The following RIT2 variants were observed in gnomAD, a reference collection of about 807,000 sequenced individuals.
RIT2 encodes the protein Ras like without CAAX 2.
Under a neutral mutation model 23.7 loss-of-function variants are expected in RIT2, and 24 were observed. The ratio of observed to expected loss-of-function variants is 1.01; its 90% CI spans 0.73 to 1.43. The LOEUF is 1.43. Ranked by LOEUF, RIT2 falls within the 40% of genes most tolerant of loss-of-function variation. The pLI, the probability that RIT2 is intolerant of heterozygous loss-of-function variation, is 0.00. For synonymous variants in RIT2, 107 were observed against 91.1 expected, an observed-to-expected ratio of 1.17 and a Z score of -0.99; for missense variants, 236 against 266.9, an observed-to-expected ratio of 0.88 and a Z score of 0.81.
chr18:43,030,064 C>T (rs1381514748), intron 2 of RIT2, among the ~76,000 whole-genome samples: 1 of 152,020 alleles, frequency 6.6e-6, no homozygotes, highest in African/African-American at 2.4e-5. Flanking sequence ...ATATGTTCAA[C>T]ATTCTATTTA....
At chr18:43,093,052 C>G (rs1475822878) in intron 1 of RIT2, among the ~76,000 whole-genome samples, 1 of 151,972 alleles carries the variant, frequency 6.6e-6, no homozygotes, top group Non-Finnish European at 1.5e-5. Context: ...AATAAAATTA[C>G]AGAGTAAAAC....
At chr18:42,879,533 TTTTA>T (rs1002853581) in intron 4 of RIT2, among the ~76,000 whole-genome samples, 58 of 139,866 alleles carry the variant, frequency 4.1e-4, no homozygotes, top group Middle Eastern at 3.9e-3. Flanking sequence ...TTCTTTTTTG[TTTTA>T]TTTGTTTTTG....
At chr18:42,958,673 T>C (rs911792452) in intron 3 of RIT2, among the ~76,000 whole-genome samples, 1 of 152,170 alleles carries the variant, frequency 6.6e-6, no homozygotes, top group Non-Finnish European at 1.5e-5. Flanking sequence ...AGACCAGCGA[T>C]ACTGCCAAGC....
intron 4 of RIT2, among the ~76,000 whole-genome samples, chr18:42,894,305 G>T (rs1391723986): frequency 6.6e-6 from 1 of 152,170 alleles, no homozygotes; most frequent in Non-Finnish European, 1.5e-5. Context: ...AATTCTAGCA[G>T]AAATCAACAG....
At chr18:42,892,563 G>C (rs929632536) in intron 4 of RIT2, among the ~76,000 whole-genome samples, 2 of 152,162 alleles carry the variant, frequency 1.3e-5, no homozygotes, top group South Asian at 4.1e-4. Context: ...TTCACATTCA[G>C]AATCTGAAGT....
At chr18:42,916,298 G>A (rs1035029990) in intron 4 of RIT2, among the ~76,000 whole-genome samples, 2 of 152,034 alleles carry the variant, frequency 1.3e-5, no homozygotes, top group Non-Finnish European at 2.9e-5. Context: ...TTAAAAATTA[G>A]TTTAGCTTTT....
At chr18:42,743,783 G>T in intron 4 of RIT2, 63 bp from the exon 5 acceptor site, 1 of 1,266,968 alleles carries the variant, frequency 7.9e-7, no homozygotes, top group South Asian at 1.4e-5. Context: ...TTAAAAATAC[G>T]TTCTCTACTA....
chr18:42,902,263 T>C (rs1908494908), intron 4 of RIT2, among the ~76,000 whole-genome samples: 1 of 151,868 alleles, frequency 6.6e-6, no homozygotes, highest in Non-Finnish European at 1.5e-5. Flanking sequence ...AAAGGAGACG[T>C]TCAGAACTAC....
rs184853436 is a variant in RIT2 at position 42,935,386 on chromosome 18, A to C, written c.235-11623T>G. Reference sequence around the variant, plus strand: ...TCCCCTATATCACTCTACAGCAGAGACACTCTCTCCCTCATTTTTTGTGGC... The same window carrying C: ...TCCCCTATATCACTCTACAGCAGAGCCACTCTCTCCCTCATTTTTTGTGGC... On this transcript the variant is annotated intron_variant, in intron 3 of 4. Coordinates refer to ENST00000326695, the MANE Select transcript of RIT2 (RefSeq NM_002930.4). Among the ~76,000 whole-genome samples the C allele has an allele frequency of 2.1e-3, 326 of 152,234 alleles. 1 individual carries two copies. The highest frequency in any genetic ancestry group is 0.012 in the Admixed American group (180 of 15,286).
At chr18:43,020,821 G>A (rs1322487099) in intron 2 of RIT2, among the ~76,000 whole-genome samples, 2 of 152,038 alleles carry the variant, frequency 1.3e-5, no homozygotes, top group African/African-American at 4.8e-5. Context: ...GCAAAAGAAT[G>A]TAATGAGACT....
chr18:43,044,794 T>G (rs868136281), intron 1 of RIT2, among the ~76,000 whole-genome samples: 52 of 152,172 alleles, frequency 3.4e-4, no homozygotes, highest in African/African-American at 1.2e-3. Context: ...TTGCAATTCA[T>G]CATTTCCCTG....
intron 4 of RIT2, among the ~76,000 whole-genome samples, chr18:42,744,890 C>T (rs117754930): frequency 0.03 from 4,520 of 152,266 alleles, 94 homozygotes; most frequent in Middle Eastern, 0.051. Flanking sequence ...GTGGCAGTTA[C>T]CCATGCTGTG....
chr18:42,940,384 A>G (rs1302661584), intron 3 of RIT2, among the ~76,000 whole-genome samples: 1 of 148,868 alleles, frequency 6.7e-6, no homozygotes, highest in Non-Finnish European at 1.5e-5. Flanking sequence ...ATATAGTTAA[A>G]TATATATAAT....
At chr18:42,982,699 T>C (rs73475460) in intron 2 of RIT2, among the ~76,000 whole-genome samples, 3,419 of 152,254 alleles carry the variant, frequency 0.022, 137 homozygotes, top group African/African-American at 0.079. Context: ...CTTTCAGGAC[T>C]ATGGCATTGA....
intron 3 of RIT2, among the ~76,000 whole-genome samples, chr18:42,973,301 GCTTT>G (rs1381302492): frequency 6.6e-6 from 1 of 151,140 alleles, no homozygotes; most frequent in African/African-American, 2.4e-5. Context: ...ACCTTTTTAT[GCTTT>G]CTTTTTTGTC....
intron 4 of RIT2, among the ~76,000 whole-genome samples, chr18:42,845,373 AT>A (rs199852842): frequency 0.019 from 2,879 of 151,444 alleles, 43 homozygotes; most frequent in Non-Finnish European, 0.03. Flanking sequence ...TGAGGAAAAA[AT>A]ATATAGATTT....
At chr18:42,850,547 G>A (rs758404266) in intron 4 of RIT2, among the ~76,000 whole-genome samples, 3 of 152,104 alleles carry the variant, frequency 2.0e-5, no homozygotes, top group Non-Finnish European at 4.4e-5. Context: ...TGATTTCAAA[G>A]GCTTGGGGAA....
chr18:42,798,495 T>G (rs1355469472), intron 4 of RIT2, among the ~76,000 whole-genome samples: 1 of 152,238 alleles, frequency 6.6e-6, no homozygotes, highest in East Asian at 1.9e-4. Context: ...GGCTTTTCCC[T>G]CCTAATGTCT....
intron 4 of RIT2, among the ~76,000 whole-genome samples, chr18:42,865,654 A>T (rs1907450473): frequency 6.6e-6 from 1 of 152,142 alleles, no homozygotes; most frequent in African/African-American, 2.4e-5. Context: ...AAGAAGAAAA[A>T]TGAGACATTC....
Sources: allele counts gnomAD v4.1 joint callset (sites outside exome capture counted in the v4.1 genomes callset), GRCh38; gene constraint gnomAD v4.1.1; transcripts MANE v1.5; gene names NCBI Gene and HGNC (gene_info 2026-07-23, HGNC 2026-07-21).